The following AREL1 variants were observed in gnomAD, a reference collection of about 807,000 sequenced individuals.
AREL1 encodes the protein apoptosis resistant E3 ubiquitin protein ligase 1.
In AREL1, 62 loss-of-function variants were observed where a neutral mutation model predicts 99.0. The observed-to-expected ratio is 0.63, with a 90% CI of 0.51 to 0.77. AREL1 has a LOEUF of 0.77. Among genes scored for constraint, AREL1 ranks in the 30% least tolerant of loss-of-function variants. The pLI is 0.00. For synonymous variants in AREL1, 380 were observed against 376.5 expected (o/e 1.01, Z -0.11); for missense variants, 879 against 1,027.6 (o/e 0.86, Z 1.98).
At chr14:74,672,794 C>T in intron 11 of AREL1, 37 bp downstream of exon 11, 1 of 1,612,402 alleles carries the variant, frequency 6.2e-7, no homozygotes, top group Non-Finnish European at 8.5e-7. Context: ...AATTGGAAAA[C>T]TTTGGTATCT....
At chr14:74,707,356 G>C (rs1445504093) in intron 1 of AREL1, among the ~76,000 whole-genome samples, 1 of 143,976 alleles carries the variant, frequency 6.9e-6, no homozygotes, top group South Asian at 2.2e-4. Context: ...TGACAAGAGC[G>C]AAACTCCATT....
At chr14:74,699,380 A>AT (rs1566701620) in intron 1 of AREL1, among the ~76,000 whole-genome samples, 1 of 131,426 alleles carries the variant, frequency 7.6e-6, no homozygotes, top group African/African-American at 2.8e-5. Context: ...TGTGTGTGAG[A>AT]GAGAGAGAGA....
chr14:74,702,390 C>G (rs373768648), intron 1 of AREL1, among the ~76,000 whole-genome samples: 41 of 152,348 alleles, frequency 2.7e-4, no homozygotes, highest in African/African-American at 9.1e-4. Flanking sequence ...GTGTAAGCTG[C>G]CAAGGCTTGG....
intron 1 of AREL1, among the ~76,000 whole-genome samples, chr14:74,710,992 G>T (rs963196545): frequency 3.3e-5 from 5 of 152,170 alleles, no homozygotes; most frequent in Non-Finnish European, 7.3e-5. Context: ...AGCACTTTGG[G>T]AGGCCAAGGT....
Position 74,683,466 on chromosome 14 carries a change from T to C in AREL1, c.311A>G (p.His104Arg). ...RPVGLRVHIS[H>R]VELAVEIPVT... ...TGGAATTTCCACTGCTAGCTCGACA[T>C]GAGAGATGTGAACTCTTAGTCCCAC... The change falls in exon 5 of 20, where the codon CAT (histidine) becomes CGT (arginine). Residue 104 changes from histidine to arginine, a missense_variant. Physicochemically the swap from His to Arg is conservative, Grantham distance 29 (BLOSUM62 0). Transcript: ENST00000356357. 1.2e-6 allele frequency: 2 copies of C among 1,614,044 alleles called. No homozygotes were observed. The highest frequency in any genetic ancestry group is 1.7e-6 in the Non-Finnish European group (2 of 1,180,002).
chr14:74,664,241 C>T (rs752857), intron 18 of AREL1, among the ~76,000 whole-genome samples, 167 bp from the exon 19 acceptor site: 58,025 of 152,026 alleles, frequency 0.38, 13,178 homozygotes, highest in Non-Finnish European at 0.51. Context: ...TACACTGTCA[C>T]ATGATTAGGA....
At chr14:74,678,323 CCTAT>C in intron 5 of AREL1, 1 of 397,238 alleles carries the variant, frequency 2.5e-6, no homozygotes, top group Non-Finnish European at 4.9e-6. Context: ...ATAGTGAGAC[CCTAT>C]TCCTACAAAA....
At chr14:74,678,491 T>C (rs2089546566) in intron 5 of AREL1, among the ~76,000 whole-genome samples, 1 of 142,574 alleles carries the variant, frequency 7.0e-6, no homozygotes, top group Admixed American at 7.1e-5. Flanking sequence ...AGTGAGACCC[T>C]GCCTCAAAAA....
intron 1 of AREL1, among the ~76,000 whole-genome samples, chr14:74,709,113 AC>A (rs2139998670): frequency 6.6e-6 from 1 of 152,344 alleles, no homozygotes; most frequent in African/African-American, 2.4e-5. Context: ...TGAAATTTAA[AC>A]CCAAGTTAGT....
In AREL1 at chr14:74,662,818, A is replaced by G. The variant is rs908333039; in HGVS notation, c.*902T>C. ...CTTTTGCTACAAAATTTTCTTCAGT[A>G]GAATGCTAAAGGATCCCCAGCTTTT... On this transcript the variant is annotated 3_prime_UTR_variant, in exon 20 of 20. Transcript: ENST00000356357. The G allele has an allele frequency of 2.6e-6, 1 of 385,282 alleles. No individual in the cohort carries two copies. The highest frequency in any genetic ancestry group is 2.1e-5 in the African/African-American group (1 of 48,354). The allele number at this position is 385,282 out of a possible 1,614,324, so 23.9% of individuals were successfully genotyped here.
chr14:74,661,478 G>A lies in AREL1; in HGVS notation c.*2242C>T, dbSNP rs371594982. On this transcript the variant is annotated 3_prime_UTR_variant, in exon 20 of 20. Coordinates refer to ENST00000356357, the MANE Select transcript of AREL1 (RefSeq NM_001039479.2). ...GGCCCCCCAAGTACCTGGGTCACAA[G>A]GACATAAATAAAAGAACTGGCCAAA... 1.1e-4 allele frequency: 34 copies of A among 305,442 alleles called. No homozygotes were observed. Among genetic ancestry groups the A allele is most frequent in the African/African-American group, 6.9e-4 (31 of 44,792 alleles). 18.9% of individuals were successfully genotyped at this position (305,442 alleles called of 1,614,324 possible).
intron 1 of AREL1, among the ~76,000 whole-genome samples, chr14:74,708,033 A>G (rs1298664348): frequency 1.3e-5 from 2 of 152,158 alleles, no homozygotes; most frequent in African/African-American, 4.8e-5. Context: ...TGGGTATAGA[A>G]AAAGGAAATT....
chr14:74,705,803 G>A (rs1293801391), intron 1 of AREL1, among the ~76,000 whole-genome samples: 2 of 152,258 alleles, frequency 1.3e-5, no homozygotes, highest in Non-Finnish European at 2.9e-5. Flanking sequence ...CTTCAGACCC[G>A]TATTTCTTTT....
At chr14:74,696,486 G>A (rs111779038) in intron 1 of AREL1, among the ~76,000 whole-genome samples, 21 of 152,022 alleles carry the variant, frequency 1.4e-4, no homozygotes, top group African/African-American at 4.1e-4. Context: ...TACTGTATCC[G>A]GGTTGCTAAA....
intron 2 of AREL1, among the ~76,000 whole-genome samples, chr14:74,688,674 C>T (rs1357499465): frequency 6.6e-6 from 1 of 152,014 alleles, no homozygotes; most frequent in East Asian, 1.9e-4. Context: ...ACAAAATGTC[C>T]CACTGCTCTA....
intron 5 of AREL1, among the ~76,000 whole-genome samples, chr14:74,681,101 G>A (rs1484452103): frequency 6.6e-6 from 1 of 151,958 alleles, no homozygotes; most frequent in East Asian, 1.9e-4. Context: ...TGGAAGGATT[G>A]CTTGGGCCCA....
Position 74,663,496 on chromosome 14 carries a change from A to T in AREL1, c.*224T>A. The T allele has an allele frequency of 1.8e-6, 1 of 561,774 alleles. No individual in the cohort carries two copies. Among genetic ancestry groups the T allele is most frequent in the Non-Finnish European group, 3.2e-6 (1 of 311,162 alleles). The allele number at this position is 561,774 out of a possible 1,614,324, so 34.8% of individuals were successfully genotyped here. ...GTCCTCTTCTCATGACAGAATGAAG[A>T]GCTCAGCTTACATACCATGCCAAAG... is the stretch of plus-strand genomic sequence containing the variant. On this transcript the variant is annotated 3_prime_UTR_variant, in exon 20 of 20. Transcript: ENST00000356357.
At position 74,675,923 on chromosome 14, in the gene AREL1, G is replaced by T; in HGVS notation, c.856C>A (p.Arg286Ser). Residue 286 changes from arginine to serine, a missense_variant, in exon 8 of 20, where the codon CGC (arginine) becomes AGC (serine). Transcript: ENST00000356357. ...CTCACGCCTGAAGTGGACACATTGC[G>T]TTCGACGATATTCTTCTCATCCTCT... ...LSEDEKNIVE[R>S]NVSTSGVSIY... is the part of the protein sequence containing the mutation. The T allele has an allele frequency of 6.2e-7, 1 of 1,601,278 alleles. No individual in the cohort carries two copies. Among genetic ancestry groups the T allele is most frequent in the Non-Finnish European group, 8.5e-7 (1 of 1,172,440 alleles).
intron 2 of AREL1, among the ~76,000 whole-genome samples, chr14:74,688,782 C>T (rs2139935153): frequency 6.6e-6 from 1 of 152,168 alleles, no homozygotes; most frequent in African/African-American, 2.4e-5. Flanking sequence ...CTACAAATTC[C>T]CCCTTTCTGG....
Sources: allele counts gnomAD v4.1 joint callset (sites outside exome capture counted in the v4.1 genomes callset), GRCh38; gene constraint gnomAD v4.1.1; transcripts MANE v1.5; gene names NCBI Gene and HGNC (gene_info 2026-07-23, HGNC 2026-07-21).